The following MECOM variants were observed in gnomAD, a reference collection of about 807,000 sequenced individuals.
MECOM encodes MDS1 and EVI1 complex locus.
A neutral mutation model predicts 116.3 loss-of-function variants in MECOM; 13 were observed. That is an observed-to-expected ratio of 0.11 (90% CI 0.07 to 0.18). The LOEUF (loss-of-function observed/expected upper bound fraction) is 0.18, where lower values mean the gene tolerates loss of function less well. Ranked by LOEUF, MECOM falls within the 10% of genes least tolerant of loss-of-function variation. The pLI is 1.00. For synonymous variants in MECOM, 528 were observed against 535.2 expected (o/e 0.99, Z 0.19); for missense variants, 1,299 against 1,509.0 (o/e 0.86, Z 2.31).
intron 1 of MECOM, among the ~76,000 whole-genome samples, chr3:169,595,766 G>A (rs1767057698): frequency 6.6e-6 from 1 of 152,116 alleles, no homozygotes; most frequent in African/African-American, 2.4e-5. Flanking sequence ...TATAAATGCA[G>A]TTACTTGGCT....
chr3:169,300,824 C>A (rs1257481306), intron 2 of MECOM, among the ~76,000 whole-genome samples: 2 of 152,190 alleles, frequency 1.3e-5, no homozygotes, highest in African/African-American at 2.4e-5. Flanking sequence ...ACCATTACCC[C>A]ATTAAATCAG....
At chr3:169,537,293 C>G (rs1262447009) in intron 1 of MECOM, among the ~76,000 whole-genome samples, 1 of 152,182 alleles carries the variant, frequency 6.6e-6, no homozygotes, top group Non-Finnish European at 1.5e-5. Flanking sequence ...CTGCCTGTAT[C>G]TCTAGCATAG....
chr3:169,122,727 G>A lies in MECOM; in HGVS notation c.831C>T (p.Ser277=), dbSNP rs575259746. The A allele has an allele frequency of 1.2e-6, 2 of 1,613,394 alleles. No homozygotes were observed. Among genetic ancestry groups the A allele is most frequent in the African/African-American group, 2.7e-5 (2 of 75,022 alleles). ...TATGTGACAGCATGTGTTTCTCCAGGCTGTTAAGAGAACAATAGATTTTAA... is the reference window on the plus strand; with the variant it reads ...TATGTGACAGCATGTGTTTCTCCAGACTGTTAAGAGAACAATAGATTTTAA... ...ECDQVFPDLQ[S]LEKHMLSHTE... Residue 277 remains serine, a splice_region_variant and synonymous_variant, in exon 6 of 17, where the codon AGC becomes AGT. Coordinates refer to ENST00000651503, the MANE Select transcript of MECOM (RefSeq NM_004991.4).
intron 1 of MECOM, among the ~76,000 whole-genome samples, chr3:169,531,537 C>T (rs1196602362): frequency 6.6e-6 from 1 of 152,178 alleles, no homozygotes; most frequent in Non-Finnish European, 1.5e-5. Context: ...TATTGAACCT[C>T]AGCGAAATTA....
At chr3:169,231,962 C>T (rs1753457110) in intron 2 of MECOM, among the ~76,000 whole-genome samples, 1 of 152,092 alleles carries the variant, frequency 6.6e-6, no homozygotes, top group African/African-American at 2.4e-5. Context: ...TTTTCAGCAT[C>T]AAACATTTGA....
chr3:169,368,284 C>T (rs984031875), intron 2 of MECOM, among the ~76,000 whole-genome samples: 1 of 152,018 alleles, frequency 6.6e-6, no homozygotes, highest in African/African-American at 2.4e-5. Context: ...TATTTATCTA[C>T]TGAATTTGCC....
chr3:169,483,739 T>A, intron 1 of MECOM: 9 of 1,594,480 alleles, frequency 5.6e-6, no homozygotes, highest in Non-Finnish European at 7.7e-6. Flanking sequence ...TAACTCTCTT[T>A]GCTGTTAGCA....
intron 1 of MECOM, among the ~76,000 whole-genome samples, chr3:169,618,453 C>A (rs893011550): frequency 3.3e-5 from 5 of 152,106 alleles, no homozygotes; most frequent in African/African-American, 1.2e-4. Flanking sequence ...GTCAAGAGAT[C>A]AAGACCATCC....
In MECOM at chr3:169,249,448, C is replaced by T. The variant is rs931815057; in HGVS notation, c.376-105616G>A. Among the ~76,000 whole-genome samples the T allele has an allele frequency of 3.3e-5, 5 of 152,146 alleles. No homozygotes were observed. In the East Asian group the frequency reaches 7.7e-4, roughly 23 times the overall value. On this transcript the variant is annotated intron_variant, in intron 2 of 16. Coordinates refer to ENST00000651503, the MANE Select transcript of MECOM (RefSeq NM_004991.4). The stretch of plus-strand genomic sequence containing the variant: ...TAAGATCTGCAAATCTTCCTTGGCT[C>T]CCGGTCCAAGGCAGAGGTATTGTTA...
At position 169,419,611 on chromosome 3, in the gene MECOM, G is replaced by T. The variant is rs537823274; in HGVS notation, c.38-38087C>A. 2.4e-4 allele frequency among the ~76,000 whole-genome samples: 36 copies of T among 152,128 alleles called. No homozygotes were observed. In the South Asian group the frequency reaches 7.1e-3, roughly 30 times the overall value. ...ACACCTTATACACAAATCAACTCAA[G>T]ACGGATTAAAGATTTAAATGTAAGA... On this transcript the variant is annotated intron_variant, in intron 1 of 16. Coordinates refer to ENST00000651503, the MANE Select transcript of MECOM (RefSeq NM_004991.4).
chr3:169,321,280 T>C (rs904848632), intron 2 of MECOM, among the ~76,000 whole-genome samples: 1 of 152,148 alleles, frequency 6.6e-6, no homozygotes, highest in African/African-American at 2.4e-5. Context: ...GGTGGCTCAC[T>C]CCTGTAATCC....
intron 1 of MECOM, chr3:169,613,687 A>G (rs915030885): frequency 6.6e-6 from 1 of 152,264 alleles, no homozygotes; most frequent in South Asian, 2.1e-4. Flanking sequence ...AGAATGTGGC[A>G]TCTGGCCAGT....
intron 3 of MECOM, among the ~76,000 whole-genome samples, chr3:169,137,927 C>T (rs1297261394): frequency 3.3e-5 from 5 of 152,052 alleles, no homozygotes; most frequent in Admixed American, 3.3e-4. Flanking sequence ...TCTACAGACC[C>T]CCCAAAAATA....
At chr3:169,419,225 C>T (rs549509160) in intron 1 of MECOM, among the ~76,000 whole-genome samples, 12 of 152,216 alleles carry the variant, frequency 7.9e-5, no homozygotes, top group South Asian at 6.2e-4. Flanking sequence ...CTACAAACCA[C>T]GGCTCAAGGA....
chr3:169,622,845 A>G (rs1450162829), intron 1 of MECOM, among the ~76,000 whole-genome samples: 1 of 152,226 alleles, frequency 6.6e-6, no homozygotes, highest in East Asian at 1.9e-4. Context: ...TGCCCAGGTC[A>G]TGGTTGCTAG....
intron 1 of MECOM, among the ~76,000 whole-genome samples, chr3:169,581,251 T>G (rs1765085657): frequency 6.6e-6 from 1 of 152,198 alleles, no homozygotes; most frequent in South Asian, 2.1e-4. Context: ...TCTTCTTATC[T>G]CTGATCTTCA....
chr3:169,253,530 T>C (rs1489292767), intron 2 of MECOM, among the ~76,000 whole-genome samples: 2 of 152,110 alleles, frequency 1.3e-5, no homozygotes, highest in Non-Finnish European at 2.9e-5. Context: ...ATGTATTATA[T>C]ATTTATTCTG....
At chr3:169,278,709 G>A (rs576163755) in intron 2 of MECOM, among the ~76,000 whole-genome samples, 2 of 152,352 alleles carry the variant, frequency 1.3e-5, no homozygotes, top group East Asian at 1.9e-4. Flanking sequence ...GAGCTGAATA[G>A]TCAATGGAAA....
At chr3:169,120,954 A>G (rs180977262) in intron 7 of MECOM, 102 bp downstream of exon 7, 7 of 1,236,660 alleles carry the variant, frequency 5.7e-6, no homozygotes, top group African/African-American at 1.5e-5. Flanking sequence ...AATAGCTAAC[A>G]CGGTGACCCT....
Sources: allele counts gnomAD v4.1 joint callset (sites outside exome capture counted in the v4.1 genomes callset), GRCh38; gene constraint gnomAD v4.1.1; transcripts MANE v1.5; gene names NCBI Gene and HGNC (gene_info 2026-07-23, HGNC 2026-07-21).